Variants in ITGA4 observed in about 807,000 individuals in gnomAD.
The protein encoded by ITGA4 is integrin alpha-4.
In ITGA4, 63 loss-of-function variants were observed where a neutral mutation model predicts 133.6. The ratio of observed to expected loss-of-function variants is 0.47; its 90% CI spans 0.38 to 0.58. ITGA4 has a LOEUF of 0.58. ITGA4 is among the 20% of genes least tolerant of loss of function. The pLI is 0.00. For missense variants in ITGA4, 1,076 were observed against 1,252.7 expected, an observed-to-expected ratio of 0.86 and a Z score of 2.13; for synonymous variants, 483 against 438.0, an observed-to-expected ratio of 1.10 and a Z score of -1.28.
chr2:181,491,756 C>T (rs549350979), intron 10 of ITGA4, among the ~76,000 whole-genome samples: 15 of 152,200 alleles, frequency 9.9e-5, no homozygotes, highest in African/African-American at 3.4e-4. Context: ...CATCCCTCTT[C>T]TCCTCCTCCT....
At chr2:181,530,022 T>C (rs954088550) in intron 23 of ITGA4, among the ~76,000 whole-genome samples, 1 of 152,228 alleles carries the variant, frequency 6.6e-6, no homozygotes, top group Non-Finnish European at 1.5e-5. Context: ...ATAGCCTTTT[T>C]TTAAGGAAGC....
chr2:181,475,396 T>A, intron 4 of ITGA4, 108 bp downstream of exon 4: 1 of 856,128 alleles, frequency 1.2e-6, no homozygotes, highest in Non-Finnish European at 1.8e-6. Flanking sequence ...GGAGATCTTC[T>A]AAGTAATTAT....
At chr2:181,534,592 G>A (rs1687015927) in intron 26 of ITGA4, among the ~76,000 whole-genome samples, 1 of 149,180 alleles carries the variant, frequency 6.7e-6, no homozygotes, top group East Asian at 2.1e-4. Context: ...AGTGAGAATT[G>A]AATAGATTGG....
intron 2 of ITGA4, among the ~76,000 whole-genome samples, chr2:181,463,857 T>A (rs1685348362): frequency 6.6e-6 from 1 of 152,138 alleles, no homozygotes; most frequent in Non-Finnish European, 1.5e-5. Context: ...ATAGATCAAA[T>A]GGCCAATGGC....
chr2:181,480,077 G>A (rs563402071), intron 5 of ITGA4, 60 bp from the exon 6 acceptor site: 2 of 1,203,574 alleles, frequency 1.7e-6, no homozygotes, highest in East Asian at 2.6e-5. Context: ...CGTGTATCTG[G>A]AGGAGGTTTG....
intron 1 of ITGA4, 51 bp from the exon 2 acceptor site, chr2:181,458,145 A>G (rs756640790): frequency 2.5e-6 from 4 of 1,610,604 alleles, no homozygotes; most frequent in Non-Finnish European, 1.7e-6. Flanking sequence ...CAGGGAGCTC[A>G]GTGGGCAGCA....
intron 10 of ITGA4, among the ~76,000 whole-genome samples, chr2:181,489,250 CAT>C (rs1354316685): frequency 6.6e-6 from 1 of 152,126 alleles, no homozygotes; most frequent in African/African-American, 2.4e-5. Context: ...TGGCATTTGT[CAT>C]ATCACTTTTC....
intron 2 of ITGA4, among the ~76,000 whole-genome samples, chr2:181,469,866 G>T (rs1167560845): frequency 6.6e-6 from 1 of 151,638 alleles, no homozygotes; most frequent in Admixed American, 6.6e-5. Context: ...ATTGAACAAT[G>T]AGAACACTTG....
At chr2:181,522,413 A>C in intron 18 of ITGA4, 72 bp downstream of exon 18, 1 of 1,011,888 alleles carries the variant, frequency 9.9e-7, no homozygotes, top group Non-Finnish European at 1.4e-6. Context: ...TAAATGGTAG[A>C]ATTCACTTCA....
intron 5 of ITGA4, 40 bp downstream of exon 5, chr2:181,478,864 T>G (rs1239525456): frequency 9.7e-7 from 1 of 1,028,982 alleles, no homozygotes; most frequent in Non-Finnish European, 1.4e-6. Context: ...TGTTTACATA[T>G]AGAATCTTAA....
At chr2:181,471,411 G>GTT (rs1295640087) in intron 2 of ITGA4, among the ~76,000 whole-genome samples, 2 of 152,108 alleles carry the variant, frequency 1.3e-5, no homozygotes, top group Non-Finnish European at 2.9e-5. Context: ...AATAAATGTA[G>GTT]TTAACCTTAA....
intron 22 of ITGA4, among the ~76,000 whole-genome samples, chr2:181,527,799 C>A (rs1291637714): frequency 6.6e-6 from 1 of 152,212 alleles, no homozygotes; most frequent in Admixed American, 6.5e-5. Flanking sequence ...AAAGGAGGCT[C>A]TTACCTCCCA....
rs538011639 is a variant in ITGA4, at chr2:181,475,816, A to G, written c.556+528A>G. ...ATTTTTCTCATGGTAACTCTATGCT[A>G]TAGGTAGCATCAGCAAGTACAGAGC... is the stretch of plus-strand genomic sequence containing the variant. On this transcript the variant is annotated intron_variant, in intron 4 of 27. Coordinates refer to ENST00000397033, the MANE Select transcript of ITGA4 (RefSeq NM_000885.6). 63 of 1,600,236 alleles carry G rather than the reference A, an allele frequency of 3.9e-5. No individual in the cohort carries two copies. In the Middle Eastern group the frequency reaches 9.9e-4, roughly 25 times the overall value.
rs116758093 is a variant in ITGA4, at chr2:181,527,251, G to A, written c.2340-46G>A. 4.7e-3 allele frequency: 5,175 copies of A among 1,098,798 alleles called. 148 individuals carry two copies. The African/African-American group carries it at 0.064, about 14-fold the overall frequency. 68.1% of individuals were successfully genotyped at this position (1,098,798 alleles called of 1,614,324 possible). A position where few individuals can be genotyped will look rare whatever the true frequency, so the allele number is the denominator to read the frequency against. On this transcript the variant is annotated intron_variant, in intron 21 of 27. Transcript: ENST00000397033. ...TATAGAAAAAGACTCTTTATAATAC[G>A]TCATCGAATAAGACAGTTAATTAAA...
rs199680477 is a variant in ITGA4, at chr2:181,524,200, C to G, written c.2199C>G (p.Ser733Arg). ...RIDISFLLDV[S>R]SLSRAEEDLS... ...ATATTAGCTTTCTCCTGGATGTGAG[C>G]TCACTCAGCAGAGCGGAAGAGGACC... Residue 733 changes from serine (S) to arginine (R), a missense_variant, in exon 20 of 28, where the codon AGC (serine) becomes AGG (arginine). Around this residue, in one of 4 missense-constraint regions of ITGA4, gnomAD observed 365 missense variants for 421.4 expected, o/e 0.87. Coordinates refer to ENST00000397033, the MANE Select transcript of ITGA4 (RefSeq NM_000885.6). 6.2e-7 allele frequency: 1 copy of G among 1,604,260 alleles called. No homozygotes were observed. Among genetic ancestry groups the G allele is most frequent in the Non-Finnish European group, 8.5e-7 (1 of 1,175,234 alleles).
At chr2:181,481,050 A>C (rs1236959955) in intron 6 of ITGA4, among the ~76,000 whole-genome samples, 1 of 152,190 alleles carries the variant, frequency 6.6e-6, no homozygotes, top group Non-Finnish European at 1.5e-5. Context: ...CTTTCTATTC[A>C]AACAGAAGAA....
intron 16 of ITGA4, 105 bp from the exon 17 acceptor site, chr2:181,511,594 C>G: frequency 1.7e-6 from 1 of 603,564 alleles, no homozygotes. Flanking sequence ...TTTGATGTAT[C>G]AATTTTATTT....
intron 9 of ITGA4, among the ~76,000 whole-genome samples, chr2:181,483,293 A>G (rs1359392719): frequency 1.3e-5 from 2 of 152,208 alleles, no homozygotes; most frequent in Non-Finnish European, 2.9e-5. Flanking sequence ...TAATTCAAAG[A>G]CTTCTGGCCT....
intron 9 of ITGA4, among the ~76,000 whole-genome samples, chr2:181,484,076 C>G (rs1685862077): frequency 6.6e-6 from 1 of 152,118 alleles, no homozygotes; most frequent in Non-Finnish European, 1.5e-5. Flanking sequence ...TCTCATTTCT[C>G]AACTCTGAAA....
Sources: gnomAD v4.1 joint callset for allele counts (sites outside exome capture counted in the v4.1 genomes callset) on GRCh38, gnomAD v4.1.1 for gene constraint, gnomAD v4.1.1 regional missense constraint, MANE v1.5 for transcripts, NCBI Gene and HGNC (gene_info 2026-07-23, HGNC 2026-07-21) for gene names.